Variants in CYP2A13 observed in about 807,000 individuals in gnomAD.
CYP2A13 encodes cytochrome P450 2A13.
CYP2A13 carries 30 observed loss-of-function variants against 39.4 expected under a neutral mutation model. That is an observed-to-expected ratio of 0.76 (90% confidence interval 0.57 to 1.03). The LOEUF is 1.03. Among genes scored for constraint, CYP2A13 ranks in the 50% least tolerant of loss-of-function variants. The pLI is 0.00. For synonymous variants in CYP2A13, 269 were observed against 254.7 expected (o/e 1.06, Z -0.54); for missense variants, 731 against 648.4 (o/e 1.13, Z -1.38).
rs71579372 is a variant in CYP2A13, at chr19:41,095,042, C to T, written c.1245C>T (p.His415=). The change falls in exon 8 of 9, where the codon CAC becomes CAT. Residue 415 remains histidine (H), a synonymous_variant. Transcript: ENST00000330436. ...ACCCCCGGGACTTCAATCCCCAGCA[C>T]TTCCTGGATAAGAAGGGGCAGTTTA... ...FSNPRDFNPQ[H]FLDKKGQFKK... 1.9e-6 allele frequency: 3 copies of T among 1,614,210 alleles called. No individual in the cohort carries two copies. The highest frequency in any genetic ancestry group is 2.5e-6 in the Non-Finnish European group (3 of 1,180,034).
chr19:41,091,489 A>G (rs905171779), intron 4 of CYP2A13, among the ~76,000 whole-genome samples: 1 of 152,206 alleles, frequency 6.6e-6, no homozygotes, highest in Non-Finnish European at 1.5e-5. Flanking sequence ...CCTCATTTGC[A>G]TACCTGAAAC....
At chr19:41,091,663 C>A in intron 4 of CYP2A13, 69 bp from the exon 5 acceptor site, 1 of 1,585,456 alleles carries the variant, frequency 6.3e-7, no homozygotes, top group South Asian at 1.2e-5. Flanking sequence ...TGAAACAAAT[C>A]CCCATTCCCA....
chr19:41,089,678 ATC>A (rs1478970842), intron 2 of CYP2A13, among the ~76,000 whole-genome samples: 1 of 141,840 alleles, frequency 7.1e-6, no homozygotes, highest in African/African-American at 2.6e-5. Flanking sequence ...CCCTCCCTCC[ATC>A]TCTCTCTTTC....
intron 3 of CYP2A13, 72 bp downstream of exon 3, chr19:41,090,268 A>G: frequency 6.4e-7 from 1 of 1,557,638 alleles, no homozygotes; most frequent in Non-Finnish European, 8.7e-7. Context: ...TAGGTGGGGA[A>G]AGGGGCCCGC....
At chr19:41,088,775 T>C in intron 1 of CYP2A13, 124 bp downstream of exon 1, 1 of 1,534,800 alleles carries the variant, frequency 6.5e-7, no homozygotes, top group East Asian at 2.3e-5. Flanking sequence ...AGTTTCAGCA[T>C]CAGGGTCCTA....
At chr19:41,093,385 C>T (rs1390063809) in intron 5 of CYP2A13, among the ~76,000 whole-genome samples, 2 of 151,646 alleles carry the variant, frequency 1.3e-5, no homozygotes, top group African/African-American at 4.8e-5. Context: ...AAAAAACCAA[C>T]TGACAGCTAA....
chr19:41,088,630 G>T lies in CYP2A13; in HGVS notation c.159G>T (p.Gln53His). The T allele has an allele frequency of 3.7e-6, 6 of 1,613,902 alleles. No homozygotes were observed. The highest frequency in any genetic ancestry group is 1.7e-4 in the Middle Eastern group (1 of 6,052). Residue 53 changes from glutamine to histidine, a missense_variant, in exon 1 of 9, where the codon CAG (glutamine) becomes CAT (histidine). By Grantham distance (24) the Gln-to-His change is conservative. Transcript: ENST00000330436. The part of the protein sequence containing the change: ...IGNYLQLNTE[Q>H]MYNSLMKISE... The stretch of plus-strand genomic sequence containing the variant: ...ACTACCTGCAGCTGAACACAGAGCA[G>T]ATGTACAACTCCCTCATGAAGGTGT...
intron 6 of CYP2A13, 30 bp downstream of exon 6, chr19:41,093,801 G>C (rs958937435): frequency 1.2e-6 from 2 of 1,609,576 alleles, no homozygotes; most frequent in Non-Finnish European, 1.7e-6. Context: ...AAAGTGAAGG[G>C]CCCCAGACCC....
chr19:41,090,512 T>C lies in CYP2A13; in HGVS notation c.602T>C (p.Leu201Pro). The change falls in exon 4 of 9, where the codon CTG becomes CCG. Residue 201 changes from leucine to proline, a missense_variant. Physicochemically the swap from Leu to Pro is moderately conservative, Grantham distance 98 (BLOSUM62 -3). Coordinates refer to ENST00000330436, the MANE Select transcript of CYP2A13 (RefSeq NM_000766.5). Reference protein sequence around the residue: ...FDYEDKEFLSLLRMMLGSFQF... With the variant: ...FDYEDKEFLSPLRMMLGSFQF... Reference sequence around the variant, plus strand: ...TATGAGGACAAAGAGTTCCTGTCACTGTTGCGCATGATGCTGGGAAGCTTC... The same window carrying C: ...TATGAGGACAAAGAGTTCCTGTCACCGTTGCGCATGATGCTGGGAAGCTTC... The C allele has an allele frequency of 6.2e-7, 1 of 1,614,054 alleles. No individual in the cohort carries two copies. The highest frequency in any genetic ancestry group is 8.5e-7 in the Non-Finnish European group (1 of 1,179,910).
rs966337954 is a variant in CYP2A13 at position 41,090,514 on chromosome 19, T to C, written c.604T>C (p.Leu202=). The change falls in exon 4 of 9, where the codon TTG becomes CTG. Residue 202 remains leucine (L), a synonymous_variant. Coordinates refer to ENST00000330436, the MANE Select transcript of CYP2A13 (RefSeq NM_000766.5). ...TGAGGACAAAGAGTTCCTGTCACTG[T>C]TGCGCATGATGCTGGGAAGCTTCCA... The part of the protein sequence containing the change: ...DYEDKEFLSL[L]RMMLGSFQFT... 17 of 1,614,126 alleles carry C rather than the reference T, an allele frequency of 1.1e-5. No homozygotes were observed. The African/African-American group carries it at 1.9e-4, about 18-fold the overall frequency.
Position 41,090,184 on chromosome 19 carries a change from C to T in CYP2A13, c.481C>T (p.Arg161Trp), listed in dbSNP as rs536561804. Residue 161 changes from arginine to tryptophan, a missense_variant, in exon 3 of 9, where the codon CGG becomes TGG. Physicochemically the swap from Arg to Trp is moderately radical, Grantham distance 101. Transcript: ENST00000330436. ...GGCGGGCTTCCTCATCGACGCCCTC[C>T]GGGGCACGCACGGTGAGTAGGGGAC... is the stretch of plus-strand genomic sequence containing the variant. Reference protein sequence around the residue: ...EEAGFLIDALRGTHGANIDPT... With the variant: ...EEAGFLIDALWGTHGANIDPT... The T allele has an allele frequency of 2.2e-5, 34 of 1,580,194 alleles. No homozygotes were observed. The highest frequency in any genetic ancestry group is 2.8e-5 in the Non-Finnish European group (32 of 1,162,454).
intron 7 of CYP2A13, 152 bp downstream of exon 7, chr19:41,094,584 AC>A: frequency 1.1e-6 from 1 of 898,912 alleles, no homozygotes; most frequent in Non-Finnish European, 1.7e-6. Flanking sequence ...CATCTGTTCC[AC>A]CTTTCCACTT....
chr19:41,093,699 G>A lies in CYP2A13; in HGVS notation c.901G>A (p.Ala301Thr). The change falls in exon 6 of 9, where the codon GCG becomes ACG. Residue 301 changes from alanine to threonine, a missense_variant. Coordinates refer to ENST00000330436, the MANE Select transcript of CYP2A13 (RefSeq NM_000766.5). Reference sequence around the variant, plus strand: ...GATGACCACCCTGAACCTCTTCTTTGCGGGCACTGAGACCGTGAGCACCAC... The same window carrying A: ...GATGACCACCCTGAACCTCTTCTTTACGGGCACTGAGACCGTGAGCACCAC... ...LVMTTLNLFF[A>T]GTETVSTTLR... The A allele has an allele frequency of 3.7e-6, 6 of 1,614,106 alleles. No individual in the cohort carries two copies. Among genetic ancestry groups the A allele is most frequent in the Non-Finnish European group, 5.1e-6 (6 of 1,180,022 alleles).
chr19:41,095,330 G>T (rs547713163), intron 8 of CYP2A13, among the ~76,000 whole-genome samples: 2 of 152,158 alleles, frequency 1.3e-5, no homozygotes, highest in African/African-American at 4.8e-5. Flanking sequence ...TTTGTCTAGG[G>T]TCACACAGCA....
chr19:41,095,929 C>T lies in CYP2A13; in HGVS notation c.1473C>T (p.Phe491=). ...TCCCACGAAACTACACCATGAGCTT[C>T]CTGCCCCGCTGAGCGAGGGCTGTGC... ...ATIPRNYTMS[F]LPR is the part of the protein sequence containing the mutation. The change falls in exon 9 of 9, where the codon TTC becomes TTT. Residue 491 remains phenylalanine (F), a synonymous_variant. Coordinates refer to ENST00000330436, the MANE Select transcript of CYP2A13 (RefSeq NM_000766.5). The T allele has an allele frequency of 6.2e-7, 1 of 1,613,834 alleles. No homozygotes were observed. The highest frequency in any genetic ancestry group is 8.5e-7 in the Non-Finnish European group (1 of 1,179,878).
chr19:41,094,435 G>A lies in CYP2A13; in HGVS notation c.1161+3G>A, dbSNP rs767666511. Reference sequence around the variant, plus strand: ...TTCGGGATTTCTTCCTCCCTAAGGTGCTGTCTCCCCTCCACCACCACCACT... The same window carrying A: ...TTCGGGATTTCTTCCTCCCTAAGGTACTGTCTCCCCTCCACCACCACCACT... On this transcript the variant is annotated splice_donor_region_variant and intron_variant, in intron 7 of 8. Coordinates refer to ENST00000330436, the MANE Select transcript of CYP2A13 (RefSeq NM_000766.5). 1 of 1,613,998 alleles carries A rather than the reference G, an allele frequency of 6.2e-7. No homozygotes were observed. Among genetic ancestry groups the A allele is most frequent in the Non-Finnish European group, 8.5e-7 (1 of 1,179,966 alleles).
In CYP2A13 at chr19:41,096,155, G is replaced by GC; in HGVS notation, c.*215dup. The GC allele has an allele frequency of 1.5e-6, 1 of 683,092 alleles. No homozygotes were observed. The highest frequency in any genetic ancestry group is 1.8e-5 in the African/African-American group (1 of 55,244). The allele number at this position is 683,092 out of a possible 1,614,324, so 42.3% of individuals were successfully genotyped here. On this transcript the variant is annotated 3_prime_UTR_variant, in exon 9 of 9. Coordinates refer to ENST00000330436, the MANE Select transcript of CYP2A13 (RefSeq NM_000766.5). ...GAGAGGAAGGGAAACCTTACAGTAT[G>GC]CTACAAAGAGTAGTAATAATAGCAG...
At chr19:41,089,834 C>CG (rs1568366645) in intron 2 of CYP2A13, among the ~76,000 whole-genome samples, 21 of 124,976 alleles carry the variant, frequency 1.7e-4, no homozygotes, top group Admixed American at 2.8e-4. Context: ...CTCTCTCTCT[C>CG]TCTCTCTCTC....
chr19:41,094,179 C>A (rs759620446), intron 6 of CYP2A13, 66 bp from the exon 7 acceptor site: 2 of 1,585,064 alleles, frequency 1.3e-6, no homozygotes, highest in Non-Finnish European at 1.7e-6. Flanking sequence ...CGTGTTTTAC[C>A]TATTCGGACT....
Sources: gnomAD v4.1 joint callset for allele counts (sites outside exome capture counted in the v4.1 genomes callset) on GRCh38, gnomAD v4.1.1 for gene constraint, MANE v1.5 for transcripts, NCBI Gene and HGNC (gene_info 2026-07-23, HGNC 2026-07-21) for gene names.